The following SLC35E4 variants were observed in gnomAD, a reference collection of about 807,000 sequenced individuals.
SLC35E4 encodes solute carrier family 35 member E4.
SLC35E4 carries 15 observed loss-of-function variants against 19.3 expected under a neutral mutation model. That is an observed-to-expected ratio of 0.78 (90% CI 0.52 to 1.20). The LOEUF (loss-of-function observed/expected upper bound fraction) is 1.20, where lower values mean the gene tolerates loss of function less well. Ranked by LOEUF, SLC35E4 falls within the 50% of genes most tolerant of loss-of-function variation. The probability of loss-of-function intolerance (pLI) is 0.00; values close to 1 mark genes in which losing one functional copy is unlikely to be tolerated. For missense variants in SLC35E4, 406 were observed against 472.3 expected, an observed-to-expected ratio of 0.86 and a Z score of 1.30; for synonymous variants, 219 against 219.9, an observed-to-expected ratio of 1.00 and a Z score of 0.04.
In SLC35E4 at chr22:30,636,710, T is replaced by G; in HGVS notation, c.260T>G (p.Met87Arg). Residue 87 changes from methionine to arginine, a missense_variant, in exon 1 of 2, where the codon ATG (methionine) becomes AGG (arginine). Met to Arg is a moderately conservative substitution (Grantham distance 91). Transcript: ENST00000343605. ...CCCCTGCTGCTGTCGGCCCTGCACA[T>G]GCTGGTGGCAGCCCTGGCATGCCAC... Reference protein sequence around the residue: ...GRPLLLSALHMLVAALACHRG... With the variant: ...GRPLLLSALHRLVAALACHRG... 2 of 1,611,768 alleles carry G rather than the reference T, an allele frequency of 1.2e-6. No individual in the cohort carries two copies. The highest frequency in any genetic ancestry group is 1.7e-6 in the Non-Finnish European group (2 of 1,178,994).
downstream of SLC35E4, among the ~76,000 whole-genome samples, chr22:30,651,302 G>A (rs181350362): frequency 4.0e-3 from 596 of 148,950 alleles, 3 homozygotes; most frequent in African/African-American, 0.014. Flanking sequence ...CCAGGTTCAA[G>A]TGATTCTTCT....
chr22:30,654,539 C>T (rs1158348037), intron 2 of SLC35E4: 9 of 437,116 alleles, frequency 2.1e-5, no homozygotes, highest in East Asian at 1.4e-4. Context: ...TCCTTGGTCT[C>T]GCGGGGCAGC....
downstream of SLC35E4, among the ~76,000 whole-genome samples, chr22:30,648,532 A>G (rs541463249): frequency 6.6e-6 from 1 of 152,226 alleles, no homozygotes; most frequent in East Asian, 1.9e-4. Flanking sequence ...CGGGCGGATC[A>G]CCTGATGTCA....
chr22:30,656,290 G>T (rs1218478407), intron 2 of SLC35E4, among the ~76,000 whole-genome samples: 3 of 152,044 alleles, frequency 2.0e-5, no homozygotes, highest in Non-Finnish European at 4.4e-5. Flanking sequence ...AAGGGCATTT[G>T]GATTTAACAT....
At chr22:30,655,053 G>T (rs2088306695) in intron 2 of SLC35E4, among the ~76,000 whole-genome samples, 1 of 151,976 alleles carries the variant, frequency 6.6e-6, no homozygotes, top group Non-Finnish European at 1.5e-5. Flanking sequence ...CCTAATTCCT[G>T]GGGTTCTGCT....
Position 30,647,369 on chromosome 22 carries a change from C to T in SLC35E4, c.*338C>T. ...GCCAAGATCGCATGCTACTGCACTC[C>T]AGCCTGGGAGACAGAGCGAGACGCT... On this transcript the variant is annotated 3_prime_UTR_variant, in exon 2 of 2. Transcript: ENST00000343605. The T allele has an allele frequency of 4.2e-6, 1 of 238,894 alleles. No homozygotes were observed. The allele number at this position is 238,894 out of a possible 1,614,324, so 14.8% of individuals were successfully genotyped here.
intron 1 of SLC35E4, among the ~76,000 whole-genome samples, chr22:30,639,806 T>C (rs1372505969): frequency 6.6e-6 from 1 of 152,198 alleles, no homozygotes. Context: ...CCAGATTTCA[T>C]ATTGTTCAAA....
chr22:30,644,539 G>A (rs952000008), intron 1 of SLC35E4, among the ~76,000 whole-genome samples: 1 of 152,176 alleles, frequency 6.6e-6, no homozygotes, highest in Non-Finnish European at 1.5e-5. Context: ...CTAGGAGTTT[G>A]AGACCAGCCT....
chr22:30,664,595 T>C (rs1021925089), downstream of SLC35E4, among the ~76,000 whole-genome samples: 13 of 152,224 alleles, frequency 8.5e-5, no homozygotes, highest in South Asian at 4.1e-4. Context: ...GCCAGTGGCA[T>C]GGAACCAGAG....
At chr22:30,649,545 A>C (rs1393319090), downstream of SLC35E4, among the ~76,000 whole-genome samples, 1 of 150,292 alleles carries the variant, frequency 6.7e-6, no homozygotes, top group African/African-American at 2.5e-5. Context: ...TCCTGGTTCC[A>C]GCCTCCGCCC....
chr22:30,644,997 A>C (rs1473570510), intron 1 of SLC35E4, among the ~76,000 whole-genome samples: 1 of 152,060 alleles, frequency 6.6e-6, no homozygotes, highest in East Asian at 1.9e-4. Flanking sequence ...AAAGATGCTG[A>C]TTATCAGTTA....
rs550775401 is a variant in SLC35E4 at position 30,658,039 on chromosome 22, T to G, written c.*9-4021T>G. ...AGAGGATCATTGGAGGCTGGGAGTT[T>G]GAGGCTGCAGTGGGCGGTGATCACA... On this transcript the variant is annotated intron_variant, in intron 2 of 2. Coordinates refer to the SLC35E4 transcript ENST00000406566. 2.0e-4 allele frequency among the ~76,000 whole-genome samples: 31 copies of G among 151,564 alleles called. No individual in the cohort carries two copies. In the South Asian group the frequency reaches 3.5e-3, roughly 17 times the overall value.
chr22:30,653,905 A>G, intron 2 of SLC35E4: 1 of 167,018 alleles, frequency 6.0e-6, no homozygotes, highest in African/African-American at 2.4e-5. Flanking sequence ...GGTCTTGAGG[A>G]CACCCCAGTA....
At chr22:30,646,481 T>C in intron 1 of SLC35E4, 117 bp from the exon 2 acceptor site, 1 of 1,222,512 alleles carries the variant, frequency 8.2e-7, no homozygotes, top group Non-Finnish European at 1.1e-6. Context: ...CAGGAGCCAC[T>C]AGCCCTGCCC....
Position 30,638,282 on chromosome 22 carries a change from A to T in SLC35E4, c.619+1213A>T, listed in dbSNP as rs190246894. The stretch of plus-strand genomic sequence containing the variant: ...TTTGGGAGGCTGAGGCGGGTGGATC[A>T]TGAGGTCAGAAGTTCAAGAACAGAC... On this transcript the variant is annotated intron_variant, in intron 1 of 1. Coordinates refer to ENST00000343605, the MANE Select transcript of SLC35E4 (RefSeq NM_001001479.4). 1.6e-3 allele frequency among the ~76,000 whole-genome samples: 246 copies of T among 150,816 alleles called. 1 individual carries two copies. Among genetic ancestry groups the T allele is most frequent in the Middle Eastern group, 0.014 (4 of 290 alleles).
rs2087942078 is a variant in SLC35E4 at position 30,636,214 on chromosome 22, G to T, written c.-237G>T. On this transcript the variant is annotated 5_prime_UTR_variant, in exon 1 of 2. Coordinates refer to ENST00000343605, the MANE Select transcript of SLC35E4 (RefSeq NM_001001479.4). ...CTGGAGCCCACGCTTGAGCATCGGA[G>T]ACCCTGGCATCCTAGCAGCCGCGAC... 1 of 524,548 alleles carries T rather than the reference G, an allele frequency of 1.9e-6. No homozygotes were observed. The highest frequency in any genetic ancestry group is 3.8e-5 in the South Asian group (1 of 26,100). The allele number at this position is 524,548 out of a possible 1,614,324, so 32.5% of individuals were successfully genotyped here.
chr22:30,647,306 G>A lies in SLC35E4; in HGVS notation c.*275G>A, dbSNP rs961054414. The A allele has an allele frequency of 9.2e-6, 4 of 435,522 alleles. No individual in the cohort carries two copies. In the South Asian group the frequency reaches 1.3e-4, roughly 14 times the overall value. The allele number at this position is 435,522 out of a possible 1,614,324, so 27.0% of individuals were successfully genotyped here. A position where few individuals can be genotyped will look rare whatever the true frequency, so the allele number is the denominator to read the frequency against. The stretch of plus-strand genomic sequence containing the variant: ...CCAGCTACATGGGAGGCTAAGGTGG[G>A]AGGATCACTTGAGCCCTGGAGATCG... On this transcript the variant is annotated 3_prime_UTR_variant, in exon 2 of 2. Coordinates refer to ENST00000343605, the MANE Select transcript of SLC35E4 (RefSeq NM_001001479.4).
At chr22:30,640,470 A>G (rs1359368881) in intron 1 of SLC35E4, among the ~76,000 whole-genome samples, 1 of 152,056 alleles carries the variant, frequency 6.6e-6, no homozygotes, top group Non-Finnish European at 1.5e-5. Flanking sequence ...GTGACTCCAG[A>G]TGCTGGCTCT....
At chr22:30,664,842 G>C (rs749436641), downstream of SLC35E4, 4 of 152,604 alleles carry the variant, frequency 2.6e-5, no homozygotes, top group Non-Finnish European at 5.9e-5. Flanking sequence ...AGCAACCCCA[G>C]GGACAAGCAC....
Sources: allele counts gnomAD v4.1 joint callset (sites outside exome capture counted in the v4.1 genomes callset), GRCh38; gene constraint gnomAD v4.1.1; transcripts MANE v1.5; gene names NCBI Gene and HGNC (gene_info 2026-07-23, HGNC 2026-07-21).